Variants in MLXIPL observed in about 807,000 individuals in gnomAD.
MLXIPL encodes the protein carbohydrate-responsive element-binding protein.
A neutral mutation model predicts 81.5 loss-of-function variants in MLXIPL; 49 were observed. The observed-to-expected ratio is 0.60, with a 90% CI of 0.48 to 0.76. The LOEUF is 0.76. Among genes scored for constraint, MLXIPL ranks in the 30% least tolerant of loss-of-function variants. MLXIPL has a pLI of 0.00. For missense variants in MLXIPL, 1,053 were observed against 1,167.0 expected, an observed-to-expected ratio of 0.90 and a Z score of 1.42; for synonymous variants, 466 against 485.5, an observed-to-expected ratio of 0.96 and a Z score of 0.53.
chr7:73,611,974 G>T (rs190846034), intron 2 of MLXIPL, among the ~76,000 whole-genome samples: 269 of 152,120 alleles, frequency 1.8e-3, no homozygotes, highest in African/African-American at 6.2e-3. Context: ...AGGAAGGAGG[G>T]TCTCAAAGTG....
intron 2 of MLXIPL, among the ~76,000 whole-genome samples, chr7:73,611,779 G>GCA (rs1233837100): frequency 6.6e-6 from 1 of 151,186 alleles, no homozygotes; most frequent in East Asian, 1.9e-4. Flanking sequence ...TTACACCACT[G>GCA]CACCCCAGCC....
chr7:73,638,024 C>T, the MLXIPL span, among the ~76,000 whole-genome samples: 3 of 152,142 alleles, frequency 2.0e-5, no homozygotes, highest in African/African-American at 7.2e-5. Context: ...CCTTTGGCCT[C>T]CCCCATTAAC....
rs1554592542 is a variant in MLXIPL, at chr7:73,593,486, C to G, written c.*379G>C. 2 of 310,472 alleles carry G rather than the reference C, an allele frequency of 6.4e-6. No individual in the cohort carries two copies. The highest frequency in any genetic ancestry group is 1.3e-5 in the Non-Finnish European group (2 of 156,654). 19.2% of individuals were successfully genotyped at this position (310,472 alleles called of 1,614,324 possible). On this transcript the variant is annotated 3_prime_UTR_variant, in exon 17 of 17. Transcript: ENST00000313375. ...AGTGGAGGTGACAGAGAAACAGCAT[C>G]CTCCTCTTTCCACCGTTGAGCCCCC...
the MLXIPL span, among the ~76,000 whole-genome samples, chr7:73,632,823 A>G: frequency 2.7e-5 from 4 of 145,792 alleles, no homozygotes; most frequent in Middle Eastern, 3.5e-3. Context: ...TCTGTTGCCC[A>G]GGCTGGAGTG....
intron 16 of MLXIPL, 28 bp downstream of exon 16, chr7:73,594,246 C>A: frequency 6.2e-7 from 1 of 1,610,524 alleles, no homozygotes; most frequent in Non-Finnish European, 8.5e-7. Context: ...CTGGGTCCCT[C>A]TAGCAGGCAG....
At chr7:73,626,835 T>C (rs1796762923), upstream of MLXIPL, among the ~76,000 whole-genome samples, 1 of 152,136 alleles carries the variant, frequency 6.6e-6, no homozygotes, top group Non-Finnish European at 1.5e-5. Flanking sequence ...TGTGTGGTCA[T>C]GTTAGGGAAA....
chr7:73,601,348 G>T (rs992529651), intron 7 of MLXIPL, among the ~76,000 whole-genome samples: 52 of 151,592 alleles, frequency 3.4e-4, no homozygotes, highest in African/African-American at 1.2e-3. Context: ...TAATGAGCTT[G>T]CGTGGGAGAC....
At chr7:73,611,731 G>A (rs1056077060) in intron 2 of MLXIPL, among the ~76,000 whole-genome samples, 1 of 151,900 alleles carries the variant, frequency 6.6e-6, no homozygotes, top group African/African-American at 2.4e-5. Flanking sequence ...CATGAGAATT[G>A]CTTGAACCCG....
chr7:73,593,591 A>C lies in MLXIPL; in HGVS notation c.*274T>G. ...TGCTGATTGAACCTTCCCCATCCCC[A>C]TTTTGCAGATTGAAACACAGCGGTC... On this transcript the variant is annotated 3_prime_UTR_variant, in exon 17 of 17. Coordinates refer to ENST00000313375, the MANE Select transcript of MLXIPL (RefSeq NM_032951.3). 1 of 425,066 alleles carries C rather than the reference A, an allele frequency of 2.4e-6. No individual in the cohort carries two copies. Among genetic ancestry groups the C allele is most frequent in the Non-Finnish European group, 4.4e-6 (1 of 225,304 alleles). The allele number at this position is 425,066 out of a possible 1,614,324, so 26.3% of individuals were successfully genotyped here. A position where few individuals can be genotyped will look rare whatever the true frequency, so the allele number is the denominator to read the frequency against.
At chr7:73,627,727 G>T (rs1240645024), upstream of MLXIPL, among the ~76,000 whole-genome samples, 1 of 152,158 alleles carries the variant, frequency 6.6e-6, no homozygotes, top group African/African-American at 2.4e-5. Context: ...GGGGATGCTT[G>T]AAGAAAGGGG....
In MLXIPL at chr7:73,606,121, C is replaced by G; in HGVS notation, c.619-10G>C. 1 of 1,564,118 alleles carries G rather than the reference C, an allele frequency of 6.4e-7. No homozygotes were observed. The highest frequency in any genetic ancestry group is 8.7e-7 in the Non-Finnish European group (1 of 1,154,504). The stretch of plus-strand genomic sequence containing the variant: ...GCCACCTGCCTTCCGCCTAGGGAGA[C>G]AGAGCCGTCAGCAGCCGCTAGAGAG... On this transcript the variant is annotated splice_polypyrimidine_tract_variant and intron_variant, in intron 5 of 16. Transcript: ENST00000313375.
intron 2 of MLXIPL, among the ~76,000 whole-genome samples, chr7:73,613,220 C>T (rs1795808545): frequency 6.6e-6 from 1 of 152,248 alleles, no homozygotes; most frequent in South Asian, 2.1e-4. Context: ...GGGGTCTTGA[C>T]ATTTGTTGTA....
chr7:73,639,223 G>A, the MLXIPL span, among the ~76,000 whole-genome samples: 1 of 152,166 alleles, frequency 6.6e-6, no homozygotes, highest in South Asian at 2.1e-4. Context: ...GGGGCCAATA[G>A]GCCATTTTCC....
intron 2 of MLXIPL, among the ~76,000 whole-genome samples, chr7:73,615,432 A>G (rs1329053156): frequency 6.6e-6 from 1 of 152,138 alleles, no homozygotes. Context: ...GCACCCAACT[A>G]TGCTAATGGG....
chr7:73,624,896 C>CA (rs1186354341), upstream of MLXIPL, among the ~76,000 whole-genome samples: 28 of 151,872 alleles, frequency 1.8e-4, no homozygotes, highest in African/African-American at 6.0e-4. Flanking sequence ...CCATCTCTAC[C>CA]AAAAAAATGC....
chr7:73,594,698 G>A (rs1369774289), intron 15 of MLXIPL, among the ~76,000 whole-genome samples: 7 of 151,558 alleles, frequency 4.6e-5, no homozygotes, highest in East Asian at 1.9e-4. Context: ...ACAGGTGTGC[G>A]CCACCACACC....
At chr7:73,618,127 C>T (rs1349056153) in intron 1 of MLXIPL, among the ~76,000 whole-genome samples, 2 of 152,178 alleles carry the variant, frequency 1.3e-5, no homozygotes, top group African/African-American at 2.4e-5. Flanking sequence ...GATGGAGCCT[C>T]ATTCTGCCAC....
At chr7:73,624,641 CAT>C (rs1796616426), upstream of MLXIPL, 2 of 1,347,886 alleles carry the variant, frequency 1.5e-6, no homozygotes, top group Non-Finnish European at 1.9e-6. Flanking sequence ...CTTGTATTAG[CAT>C]AATCCTTACG....
chr7:73,629,974 T>TATTTATTTATTTA, the MLXIPL span, among the ~76,000 whole-genome samples: 1 of 143,534 alleles, frequency 7.0e-6, no homozygotes, highest in Non-Finnish European at 1.5e-5. Flanking sequence ...TTTTTATTAT[T>TATTTATTTATTTA]TTTATTTATT....
Sources: gnomAD v4.1 joint callset for allele counts (sites outside exome capture counted in the v4.1 genomes callset) on GRCh38, gnomAD v4.1.1 for gene constraint, MANE v1.5 for transcripts, NCBI Gene and HGNC (gene_info 2026-07-23, HGNC 2026-07-21) for gene names.